FAM163A: variants seen among roughly 807,000 people sequenced by gnomAD.
The protein encoded by FAM163A is protein FAM163A.
A neutral mutation model predicts 12.0 loss-of-function variants in FAM163A; 7 were observed. The ratio of observed to expected loss-of-function variants is 0.58; its 90% CI spans 0.33 to 1.10. The LOEUF (loss-of-function observed/expected upper bound fraction) is 1.10, where lower values mean the gene tolerates loss of function less well. Among genes scored for constraint, FAM163A ranks in the 50% least tolerant of loss-of-function variants. The pLI, the probability that FAM163A is intolerant of heterozygous loss-of-function variation, is 0.03. For missense variants in FAM163A, 202 were observed against 218.6 expected (o/e 0.92, Z 0.48); for synonymous variants, 101 against 91.0 (o/e 1.11, Z -0.62).
chr1:179,782,100 C>G (rs111862338), intron 1 of FAM163A, among the ~76,000 whole-genome samples: 46 of 152,276 alleles, frequency 3.0e-4, no homozygotes, highest in African/African-American at 1.1e-3. Flanking sequence ...TCCTTTGCAG[C>G]TGGCAGACAG....
Position 179,814,308 on chromosome 1 carries a change from G to C in FAM163A, c.*119G>C, listed in dbSNP as rs1002952163. The C allele has an allele frequency of 2.3e-6, 3 of 1,316,770 alleles. No individual in the cohort carries two copies. The highest frequency in any genetic ancestry group is 5.1e-5 in the Admixed American group (2 of 39,150). The allele number at this position is 1,316,770 out of a possible 1,614,324, so 81.6% of individuals were successfully genotyped here. ...TGTTTCTGTTTCTTTGGCTTTTCTCGCTCCGCAGTGGAGGGTTTACTAGGA... is the reference window on the plus strand; with the variant it reads ...TGTTTCTGTTTCTTTGGCTTTTCTCCCTCCGCAGTGGAGGGTTTACTAGGA... On this transcript the variant is annotated 3_prime_UTR_variant, in exon 5 of 5. Transcript: ENST00000341785.
intron 1 of FAM163A, among the ~76,000 whole-genome samples, chr1:179,794,932 G>T (rs140054232): frequency 1.2e-4 from 18 of 152,308 alleles, no homozygotes; most frequent in African/African-American, 4.3e-4. Context: ...ACTGAGCCAT[G>T]AATCTAATCT....
chr1:179,809,141 C>T (rs1694354569), intron 2 of FAM163A, among the ~76,000 whole-genome samples: 1 of 152,046 alleles, frequency 6.6e-6, no homozygotes. Flanking sequence ...AGTACTGGGG[C>T]TTCAGGGAAA....
intron 1 of FAM163A, among the ~76,000 whole-genome samples, chr1:179,785,003 G>A (rs1690398523): frequency 6.6e-6 from 1 of 152,168 alleles, no homozygotes; most frequent in African/African-American, 2.4e-5. Flanking sequence ...ACGTCACTGT[G>A]GGAGGACAAA....
At position 179,748,403 on chromosome 1, in the gene FAM163A, T is replaced by A. The variant is rs1050361027; in HGVS notation, c.-136+4980T>A. ...TAAAGTCAGGGAGCCCTATTAGTTT[T>A]TAAAAAAAATCACCTTAGGCCAAAA... On this transcript the variant is annotated intron_variant, in intron 1 of 4. Coordinates refer to ENST00000341785, the MANE Select transcript of FAM163A (RefSeq NM_173509.3). Among the ~76,000 whole-genome samples the A allele has an allele frequency of 2.0e-5, 3 of 152,042 alleles. No individual in the cohort carries two copies. In the East Asian group the frequency reaches 5.8e-4, roughly 29 times the overall value.
At chr1:179,760,317 G>A (rs1190509219) in intron 1 of FAM163A, among the ~76,000 whole-genome samples, 2 of 152,138 alleles carry the variant, frequency 1.3e-5, no homozygotes, top group South Asian at 4.1e-4. Flanking sequence ...CAATGTGTAA[G>A]GCTGACCCAG....
At chr1:179,805,467 C>T (rs1279104949) in intron 1 of FAM163A, among the ~76,000 whole-genome samples, 1 of 151,392 alleles carries the variant, frequency 6.6e-6, no homozygotes, top group Non-Finnish European at 1.5e-5. Context: ...CCTGGTGGGG[C>T]GGAGGTTGCA....
the FAM163A span, among the ~76,000 whole-genome samples, chr1:179,731,580 T>G: frequency 6.6e-6 from 1 of 152,186 alleles, no homozygotes; most frequent in Non-Finnish European, 1.5e-5. Flanking sequence ...ACTTCCAGTA[T>G]AGGAAGAAAA....
chr1:179,801,521 G>A (rs1205684750), intron 1 of FAM163A, among the ~76,000 whole-genome samples: 1 of 152,182 alleles, frequency 6.6e-6, no homozygotes, highest in African/African-American at 2.4e-5. Context: ...AGAAGGCAGT[G>A]TGATTTTAAA....
intron 1 of FAM163A, among the ~76,000 whole-genome samples, chr1:179,751,159 G>A (rs1328161359): frequency 1.3e-5 from 2 of 152,122 alleles, no homozygotes; most frequent in African/African-American, 4.8e-5. Flanking sequence ...AGAGGTCCAG[G>A]TAGGAGCTAT....
the FAM163A span, among the ~76,000 whole-genome samples, chr1:179,733,026 A>C: frequency 6.6e-6 from 1 of 152,134 alleles, no homozygotes; most frequent in Non-Finnish European, 1.5e-5. Context: ...TACAGAGTGA[A>C]AGTAAAAAGG....
intron 1 of FAM163A, among the ~76,000 whole-genome samples, chr1:179,773,770 A>G (rs536489451): frequency 2.0e-5 from 3 of 152,310 alleles, no homozygotes; most frequent in East Asian, 1.9e-4. Context: ...CCCCAAAGCT[A>G]TGGCTGGTAT....
chr1:179,747,924 G>A (rs1028642243), intron 1 of FAM163A, among the ~76,000 whole-genome samples: 16 of 146,400 alleles, frequency 1.1e-4, no homozygotes, highest in Non-Finnish European at 2.0e-4. Flanking sequence ...GACTGTGCAT[G>A]TGATGTTCCT....
chr1:179,777,897 T>C (rs1230437102), intron 1 of FAM163A, among the ~76,000 whole-genome samples: 2 of 152,242 alleles, frequency 1.3e-5, no homozygotes, highest in Non-Finnish European at 2.9e-5. Flanking sequence ...CCTGCAGTTC[T>C]GCAGACCAAC....
At chr1:179,801,119 C>G (rs1200297519) in intron 1 of FAM163A, among the ~76,000 whole-genome samples, 2 of 152,140 alleles carry the variant, frequency 1.3e-5, no homozygotes, top group African/African-American at 4.8e-5. Context: ...CCCAGATAGG[C>G]ACATCTGGAT....
At chr1:179,812,511 G>A (rs375645592) in intron 3 of FAM163A, among the ~76,000 whole-genome samples, 7 of 152,168 alleles carry the variant, frequency 4.6e-5, no homozygotes, top group African/African-American at 9.7e-5. Context: ...CCCTTTCCCC[G>A]CCAGCCCGGG....
At chr1:179,731,592 G>A in the FAM163A span, among the ~76,000 whole-genome samples, 2 of 152,192 alleles carry the variant, frequency 1.3e-5, no homozygotes, top group Admixed American at 6.5e-5. Context: ...GGAAGAAAAT[G>A]TTGACTTGTG....
chr1:179,783,902 T>A (rs1417958648), intron 1 of FAM163A, among the ~76,000 whole-genome samples: 4 of 143,620 alleles, frequency 2.8e-5, no homozygotes, highest in South Asian at 4.4e-4. Flanking sequence ...AAATTGTATT[T>A]CCTGATGGGA....
chr1:179,798,587 G>T (rs555208892), intron 1 of FAM163A, among the ~76,000 whole-genome samples: 2 of 152,336 alleles, frequency 1.3e-5, no homozygotes, highest in South Asian at 4.1e-4. Context: ...TGTGATTGAG[G>T]ATTCTGGATT....
Sources: gnomAD v4.1 joint callset for allele counts (sites outside exome capture counted in the v4.1 genomes callset) on GRCh38, gnomAD v4.1.1 for gene constraint, MANE v1.5 for transcripts, NCBI Gene and HGNC (gene_info 2026-07-23, HGNC 2026-07-21) for gene names.